The following SLIT2 variants were observed in gnomAD, a reference collection of about 807,000 sequenced individuals.
SLIT2 encodes the protein slit homolog 2 protein.
SLIT2 carries 41 observed loss-of-function variants against 185.7 expected under a neutral mutation model. The observed-to-expected ratio is 0.22, with a 90% confidence interval of 0.17 to 0.29. SLIT2 has a LOEUF of 0.29. Ranked by LOEUF, SLIT2 falls within the 10% of genes least tolerant of loss-of-function variation. SLIT2 has a pLI of 1.00. For missense variants in SLIT2, 1,571 were observed against 1,909.0 expected (o/e 0.82, Z 3.30); for synonymous variants, 693 against 680.2 (o/e 1.02, Z -0.29).
Position 20,619,229 on chromosome 4 carries a change from A to C in SLIT2, c.*220A>C. 2.1e-6 allele frequency: 1 copy of C among 471,148 alleles called. No homozygotes were observed. Among genetic ancestry groups the C allele is most frequent in the South Asian group, 3.2e-5 (1 of 31,372 alleles). 29.2% of individuals were successfully genotyped at this position (471,148 alleles called of 1,614,324 possible). A position where few individuals can be genotyped will look rare whatever the true frequency, so the allele number is the denominator to read the frequency against. On this transcript the variant is annotated 3_prime_UTR_variant, in exon 37 of 37. Coordinates refer to ENST00000504154, the MANE Select transcript of SLIT2 (RefSeq NM_004787.4). ...CTATGCTGGAGAAGTATGAAGAAAG[A>C]TATACCTGGAGACATTAGAACAGCG...
intron 4 of SLIT2, among the ~76,000 whole-genome samples, chr4:20,456,920 A>G (rs760522942): frequency 6.6e-6 from 1 of 152,090 alleles, no homozygotes; most frequent in African/African-American, 2.4e-5. Flanking sequence ...CATCACCTTT[A>G]TCTTACCTGA....
At position 20,470,063 on chromosome 4, in the gene SLIT2, C is replaced by G. The variant is rs369392875; in HGVS notation, c.467+2240C>G. Among the ~76,000 whole-genome samples, 149 of 152,026 alleles carry G rather than the reference C, an allele frequency of 9.8e-4. 3 individuals carry two copies. In the South Asian group the frequency reaches 0.029, roughly 30 times the overall value. On this transcript the variant is annotated intron_variant, in intron 5 of 36. Transcript: ENST00000504154. ...AGCCACTGTGCCTGGCCAGTTTTTA[C>G]TTTTATAAAGTAAACAATAGTTATT...
At chr4:20,340,246 T>A (rs556156584) in intron 4 of SLIT2, among the ~76,000 whole-genome samples, 1 of 152,308 alleles carries the variant, frequency 6.6e-6, no homozygotes, top group Non-Finnish European at 1.5e-5. Flanking sequence ...TACTACCCTT[T>A]CTTTCTCTTA....
At chr4:20,312,790 A>AAAAG (rs1560307566) in intron 4 of SLIT2, among the ~76,000 whole-genome samples, 17 of 150,322 alleles carry the variant, frequency 1.1e-4, no homozygotes, top group African/African-American at 3.2e-4. Context: ...AAAAAAAAAA[A>AAAAG]AAAGAAAGAA....
At chr4:20,593,946 TACAC>T (rs1727719165) in intron 30 of SLIT2, among the ~76,000 whole-genome samples, 1 of 150,688 alleles carries the variant, frequency 6.6e-6, no homozygotes, top group East Asian at 2.0e-4. Context: ...CACTGCTACA[TACAC>T]AATACATATG....
intron 4 of SLIT2, among the ~76,000 whole-genome samples, chr4:20,390,144 G>T (rs997743524): frequency 1.3e-5 from 2 of 151,974 alleles, no homozygotes; most frequent in Non-Finnish European, 2.9e-5. Context: ...TAGAGACTTG[G>T]ATCACTTTTA....
chr4:20,442,715 T>A (rs1729866120), intron 4 of SLIT2, among the ~76,000 whole-genome samples: 1 of 151,994 alleles, frequency 6.6e-6, no homozygotes, highest in Non-Finnish European at 1.5e-5. Context: ...GGAGCAGAGT[T>A]TTCGTGTTCG....
At position 20,472,559 on chromosome 4, in the gene SLIT2, T is replaced by G. The variant is rs1236318283; in HGVS notation, c.467+4736T>G. 6.1e-5 allele frequency among the ~76,000 whole-genome samples: 2 copies of G among 32,534 alleles called. 1 individual carries two copies. Among genetic ancestry groups the G allele is most frequent in the Non-Finnish European group, 9.3e-5 (2 of 21,446 alleles). 21.3% of individuals were successfully genotyped at this position (32,534 alleles called of 152,430 possible). On this transcript the variant is annotated intron_variant, in intron 5 of 36. Transcript: ENST00000504154. ...ATATATCTATATCTATATATAGATA[T>G]ATATCTATATATAGATATATCTATA...
chr4:20,607,437 A>T (rs1267600967), intron 33 of SLIT2, among the ~76,000 whole-genome samples: 1 of 152,182 alleles, frequency 6.6e-6, no homozygotes, highest in African/African-American at 2.4e-5. Context: ...GTATTTACTT[A>T]CCACATATTT....
At chr4:20,613,313 C>G (rs1729385953) in intron 34 of SLIT2, among the ~76,000 whole-genome samples, 1 of 152,132 alleles carries the variant, frequency 6.6e-6, no homozygotes, top group Non-Finnish European at 1.5e-5. Context: ...CATGAAATAC[C>G]ATGCAGCCAC....
intron 9 of SLIT2, among the ~76,000 whole-genome samples, chr4:20,510,153 A>G (rs2148824402): frequency 6.7e-6 from 1 of 149,274 alleles, no homozygotes; most frequent in Non-Finnish European, 1.5e-5. Context: ...CAGTATTTCT[A>G]CCTATTTCTC....
At chr4:20,276,881 T>C (rs896960383) in intron 4 of SLIT2, among the ~76,000 whole-genome samples, 32 of 152,218 alleles carry the variant, frequency 2.1e-4, no homozygotes, top group African/African-American at 7.2e-4. Flanking sequence ...AATCCAAGGA[T>C]AAAAAGTCAT....
chr4:20,477,170 A>G (rs1342223987), intron 5 of SLIT2, among the ~76,000 whole-genome samples: 1 of 148,012 alleles, frequency 6.8e-6, no homozygotes, highest in East Asian at 2.0e-4. Flanking sequence ...AAAAAAAAAA[A>G]GAATGTTAAT....
chr4:20,396,665 C>G (rs115791174), intron 4 of SLIT2, among the ~76,000 whole-genome samples: 2 of 151,246 alleles, frequency 1.3e-5, no homozygotes, highest in Admixed American at 1.3e-4. Context: ...CTCTTCATTG[C>G]GATACTCATA....
chr4:20,453,856 G>A (rs1051140022), intron 4 of SLIT2, among the ~76,000 whole-genome samples: 5 of 152,136 alleles, frequency 3.3e-5, no homozygotes, highest in African/African-American at 9.7e-5. Context: ...TATTATGCCC[G>A]TTTTACACAT....
At position 20,385,211 on chromosome 4, in the gene SLIT2, T is replaced by C. The variant is rs538609519; in HGVS notation, c.396-82541T>C. The stretch of plus-strand genomic sequence containing the variant: ...TCCTCTCTGGTCTACACTGTTGTAA[T>C]GAAAATCAAATGGCGAATGAACAAA... On this transcript the variant is annotated intron_variant, in intron 4 of 36. Coordinates refer to ENST00000504154, the MANE Select transcript of SLIT2 (RefSeq NM_004787.4). 5.7e-4 allele frequency among the ~76,000 whole-genome samples: 87 copies of C among 152,308 alleles called. No individual in the cohort carries two copies. In the South Asian group the frequency reaches 0.015, roughly 25 times the overall value.
chr4:20,291,607 T>G (rs1244245198), intron 4 of SLIT2, among the ~76,000 whole-genome samples: 1 of 149,934 alleles, frequency 6.7e-6, no homozygotes, highest in Non-Finnish European at 1.5e-5. Flanking sequence ...TATTCACATT[T>G]TCTCTCAACT....
intron 4 of SLIT2, among the ~76,000 whole-genome samples, chr4:20,299,927 A>G (rs1327912550): frequency 1.3e-5 from 2 of 151,540 alleles, no homozygotes; most frequent in Non-Finnish European, 2.9e-5. Flanking sequence ...GATAATGCCT[A>G]GGAAACTGAA....
At chr4:20,349,059 C>T (rs1451478612) in intron 4 of SLIT2, among the ~76,000 whole-genome samples, 2 of 152,070 alleles carry the variant, frequency 1.3e-5, no homozygotes, top group Non-Finnish European at 2.9e-5. Context: ...TTGTGCCATT[C>T]CCAAAGAGAA....
Sources: gnomAD v4.1 joint callset for allele counts (sites outside exome capture counted in the v4.1 genomes callset) on GRCh38, gnomAD v4.1.1 for gene constraint, MANE v1.5 for transcripts, NCBI Gene and HGNC (gene_info 2026-07-23, HGNC 2026-07-21) for gene names.